The following CDH18 variants were observed in gnomAD, a reference collection of about 807,000 sequenced individuals.
CDH18 encodes the protein cadherin-18.
Under a neutral mutation model 67.9 loss-of-function variants are expected in CDH18, and 31 were observed. The observed-to-expected ratio is 0.46, with a 90% CI of 0.34 to 0.62. CDH18 has a LOEUF of 0.62. CDH18 is among the 20% of genes least tolerant of loss of function. The pLI is 0.01. For missense variants in CDH18, 890 were observed against 975.5 expected (o/e 0.91, Z 1.17); for synonymous variants, 362 against 347.2 (o/e 1.04, Z -0.48).
intron 2 of CDH18, among the ~76,000 whole-genome samples, chr5:19,909,339 G>T (rs1435892829): frequency 1.5e-4 from 21 of 136,308 alleles, no homozygotes; most frequent in African/African-American, 4.4e-4. Flanking sequence ...CTTGCTCCTT[G>T]CCCTGCCTGG....
chr5:20,562,926 A>G (rs996558598), intron 1 of CDH18, among the ~76,000 whole-genome samples: 3 of 151,588 alleles, frequency 2.0e-5, no homozygotes, highest in Admixed American at 2.0e-4. Context: ...TATTTCTATC[A>G]TTTTTAACAA....
At chr5:19,889,721 T>C (rs1184066558) in intron 2 of CDH18, among the ~76,000 whole-genome samples, 2 of 152,142 alleles carry the variant, frequency 1.3e-5, no homozygotes, top group African/African-American at 2.4e-5. Flanking sequence ...AAATGAGATC[T>C]AGCAATTTAT....
At chr5:20,331,573 A>G (rs1039519270) in intron 1 of CDH18, 4 of 152,168 alleles carry the variant, frequency 2.6e-5, no homozygotes, top group Non-Finnish European at 5.9e-5. Flanking sequence ...GTAGCTTATT[A>G]TGATAAGCAC....
chr5:19,820,412 A>C (rs1190280875), intron 3 of CDH18, among the ~76,000 whole-genome samples: 1 of 152,106 alleles, frequency 6.6e-6, no homozygotes, highest in Non-Finnish European at 1.5e-5. Flanking sequence ...TTGGCAAAAT[A>C]TCCTGGGCCA....
At chr5:20,231,351 T>C (rs931741881) in intron 2 of CDH18, among the ~76,000 whole-genome samples, 3 of 152,092 alleles carry the variant, frequency 2.0e-5, no homozygotes, top group Non-Finnish European at 4.4e-5. Context: ...GGCTCGTGCC[T>C]GTAATCCCAG....
At chr5:20,193,785 G>A (rs1738735183) in intron 2 of CDH18, among the ~76,000 whole-genome samples, 1 of 152,100 alleles carries the variant, frequency 6.6e-6, no homozygotes, top group Non-Finnish European at 1.5e-5. Flanking sequence ...GGGATGCGAG[G>A]CTGGTTCAAC....
intron 4 of CDH18, among the ~76,000 whole-genome samples, chr5:19,732,115 A>G (rs1254323428): frequency 6.6e-6 from 1 of 151,722 alleles, no homozygotes; most frequent in African/African-American, 2.4e-5. Flanking sequence ...AAATTAATGC[A>G]TTTTTTAAAA....
intron 3 of CDH18, among the ~76,000 whole-genome samples, chr5:19,820,343 A>G (rs780502215): frequency 8.5e-5 from 13 of 152,148 alleles, no homozygotes; most frequent in Non-Finnish European, 1.5e-4. Context: ...CCTGGAGTAG[A>G]CAACAGAGGG....
At chr5:20,466,896 C>T (rs1322180759) in intron 1 of CDH18, among the ~76,000 whole-genome samples, 2 of 151,982 alleles carry the variant, frequency 1.3e-5, no homozygotes, top group Non-Finnish European at 1.5e-5. Context: ...GGAATGTGTT[C>T]TACTTTCATC....
chr5:20,136,370 G>A (rs1580323991), intron 2 of CDH18, among the ~76,000 whole-genome samples: 1 of 152,228 alleles, frequency 6.6e-6, no homozygotes, highest in East Asian at 1.9e-4. Flanking sequence ...TTTGATCTTT[G>A]TTGGTTTAAA....
intron 5 of CDH18, among the ~76,000 whole-genome samples, chr5:19,614,258 G>A (rs1749471314): frequency 6.6e-6 from 1 of 151,652 alleles, no homozygotes; most frequent in African/African-American, 2.4e-5. Context: ...TGAGAGGAGA[G>A]CCTCAGGTAT....
chr5:19,710,830 T>C (rs1764613239), intron 5 of CDH18, among the ~76,000 whole-genome samples: 1 of 152,138 alleles, frequency 6.6e-6, no homozygotes, highest in South Asian at 2.1e-4. Context: ...AGTCCAATAA[T>C]ATGATGCCTT....
chr5:19,787,768 ACG>A (rs1408152905), intron 3 of CDH18, among the ~76,000 whole-genome samples: 3 of 150,654 alleles, frequency 2.0e-5, no homozygotes, highest in Non-Finnish European at 4.4e-5. Context: ...TGGATGTAAG[ACG>A]CCAGCACCAA....
chr5:20,255,708 G>T (rs2126612918), intron 1 of CDH18, among the ~76,000 whole-genome samples: 1 of 151,904 alleles, frequency 6.6e-6, no homozygotes, highest in African/African-American at 2.4e-5. Flanking sequence ...ACTATGTCCA[G>T]TTAGAATTTT....
In CDH18 at chr5:20,172,059, T is replaced by C. The variant is rs901228640; in HGVS notation, c.-518+83385A>G. On this transcript the variant is annotated intron_variant, in intron 2 of 14. Coordinates refer to the CDH18 transcript ENST00000507958. ...TGTGGAACCTTATTTCTTGGCTCTC[T>C]ATTCTGGAGAACTGAAACGTTTAGT... Among the ~76,000 whole-genome samples the C allele has an allele frequency of 2.0e-5, 3 of 150,058 alleles. No homozygotes were observed. The Admixed American group carries it at 2.0e-4, about 10-fold the overall frequency.
chr5:19,857,308 T>A (rs1459958211), intron 2 of CDH18, among the ~76,000 whole-genome samples: 1 of 151,784 alleles, frequency 6.6e-6, no homozygotes, highest in Non-Finnish European at 1.5e-5. Context: ...CTGGAAAGCA[T>A]ACAATTTAAA....
At chr5:20,075,342 A>G (rs1743834689) in intron 2 of CDH18, among the ~76,000 whole-genome samples, 1 of 152,144 alleles carries the variant, frequency 6.6e-6, no homozygotes, top group Non-Finnish European at 1.5e-5. Context: ...GTCTCTACTA[A>G]AAATACAAAA....
Position 19,520,656 on chromosome 5 carries a change from C to A in CDH18, c.1512+1G>T. The A allele has an allele frequency of 6.2e-7, 1 of 1,607,742 alleles. No homozygotes were observed. Among genetic ancestry groups the A allele is most frequent in the Non-Finnish European group, 8.5e-7 (1 of 1,177,660 alleles). ...GAGGAGGAAGGAAACAATTAACTTA[C>A]CTGGCCAGGCTTAGAATTTTCACAT... On this transcript the variant is annotated splice_donor_variant, in intron 10 of 12. Coordinates refer to ENST00000382275, the MANE Select transcript of CDH18 (RefSeq NM_004934.5). LOFTEE classifies it high-confidence loss of function.
intron 1 of CDH18, among the ~76,000 whole-genome samples, chr5:20,422,560 C>A (rs1580965895): frequency 6.6e-6 from 1 of 150,772 alleles, no homozygotes; most frequent in Non-Finnish European, 1.5e-5. Context: ...AGTTTTGCAA[C>A]CAAATTTATT....
Sources: gnomAD v4.1 joint callset for allele counts (sites outside exome capture counted in the v4.1 genomes callset) on GRCh38, gnomAD v4.1.1 for gene constraint, MANE v1.5 for transcripts, NCBI Gene and HGNC (gene_info 2026-07-23, HGNC 2026-07-21) for gene names.